SRPK1: variants seen among roughly 807,000 people sequenced by gnomAD.
SRPK1 encodes SRSF protein kinase 1, also known as SFRS protein kinase 1.
In SRPK1, 52 loss-of-function variants were observed where a neutral mutation model predicts 89.5. The ratio of observed to expected loss-of-function variants is 0.58; its 90% CI spans 0.46 to 0.73. The LOEUF is 0.73. SRPK1 is among the 30% of genes least tolerant of loss of function. The pLI is 0.00. For synonymous variants in SRPK1, 255 were observed against 270.2 expected, an observed-to-expected ratio of 0.94 and a Z score of 0.55; for missense variants, 603 against 780.6, an observed-to-expected ratio of 0.77 and a Z score of 2.71.
At chr6:35,875,580 T>C (rs1156473475) in intron 6 of SRPK1, among the ~76,000 whole-genome samples, 3 of 152,160 alleles carry the variant, frequency 2.0e-5, no homozygotes, top group African/African-American at 4.8e-5. Context: ...TCCACACTGA[T>C]CTGAAAGTAA....
At chr6:35,917,780 A>G (rs1581604622) in intron 2 of SRPK1, among the ~76,000 whole-genome samples, 1 of 152,132 alleles carries the variant, frequency 6.6e-6, no homozygotes. Context: ...ACTTTCTAAA[A>G]TTTTCATTTA....
chr6:35,858,092 ATTCAT>A (rs1228945445), intron 12 of SRPK1, among the ~76,000 whole-genome samples: 16 of 152,002 alleles, frequency 1.1e-4, no homozygotes, highest in African/African-American at 1.7e-4. Context: ...GTCCTTCATT[ATTCAT>A]TTATTTTTTA....
chr6:35,849,621 A>G (rs1769510873), intron 13 of SRPK1, among the ~76,000 whole-genome samples: 1 of 152,246 alleles, frequency 6.6e-6, no homozygotes, highest in Non-Finnish European at 1.5e-5. Context: ...AGTTGAGTCT[A>G]TACAGATCAG....
chr6:35,901,222 C>A (rs959442579), intron 2 of SRPK1, among the ~76,000 whole-genome samples: 3 of 152,152 alleles, frequency 2.0e-5, no homozygotes, highest in Non-Finnish European at 4.4e-5. Flanking sequence ...CCTCCAATAA[C>A]TGGGCTTGTG....
intron 13 of SRPK1, among the ~76,000 whole-genome samples, chr6:35,856,496 T>TA (rs1769669269): frequency 6.6e-6 from 1 of 152,172 alleles, no homozygotes; most frequent in Admixed American, 6.5e-5. Context: ...AACCATGCTC[T>TA]TAACCTATGA....
rs1037044070 is a variant in SRPK1 at position 35,907,982 on chromosome 6, T to G, written c.74+12486A>C. ...CTCGCAGACATTCCCTCCTGCCACC[T>G]TGTGAAGAAGGTGCCTGCTTCCCCT... On this transcript the variant is annotated intron_variant, in intron 2 of 15. Transcript: ENST00000373825. Among the ~76,000 whole-genome samples, 6 of 152,184 alleles carry G rather than the reference T, an allele frequency of 3.9e-5. 1 individual carries two copies. Among genetic ancestry groups the G allele is most frequent in the Admixed American group, 3.9e-4 (6 of 15,284 alleles).
At chr6:35,906,726 C>G (rs57599985) in intron 2 of SRPK1, among the ~76,000 whole-genome samples, 10,914 of 151,882 alleles carry the variant, frequency 0.072, 1,146 homozygotes, top group African/African-American at 0.23. Flanking sequence ...TGAAAACAAC[C>G]TAAATTTACA....
chr6:35,842,488 G>A, intron 14 of SRPK1, 47 bp downstream of exon 14: 1 of 1,465,710 alleles, frequency 6.8e-7, no homozygotes, highest in Non-Finnish European at 9.4e-7. Flanking sequence ...GCTTAATGTG[G>A]AAAGTGTAAA....
chr6:35,914,100 C>T (rs959063866), intron 2 of SRPK1, among the ~76,000 whole-genome samples: 4 of 151,408 alleles, frequency 2.6e-5, no homozygotes, highest in Non-Finnish European at 5.9e-5. Context: ...CTCAGCCTCC[C>T]AAGTAGCTGG....
At chr6:35,849,130 A>AAT (rs1769482857) in intron 13 of SRPK1, among the ~76,000 whole-genome samples, 1 of 152,216 alleles carries the variant, frequency 6.6e-6, no homozygotes, top group Admixed American at 6.5e-5. Context: ...AACTCAACTC[A>AAT]ATAGCAAGAA....
chr6:35,874,412 T>C (rs1770110479), intron 6 of SRPK1, 73 bp from the exon 7 acceptor site: 1 of 927,784 alleles, frequency 1.1e-6, no homozygotes, highest in Non-Finnish European at 1.7e-6. Context: ...AATTCCACCC[T>C]ATTAAATGTT....
intron 12 of SRPK1, among the ~76,000 whole-genome samples, chr6:35,862,454 A>T (rs1425706897): frequency 6.6e-6 from 1 of 152,106 alleles, no homozygotes; most frequent in Non-Finnish European, 1.5e-5. Flanking sequence ...TACCAGAGGT[A>T]CCCAAAATCA....
At chr6:35,878,505 T>C (rs1258091986) in intron 6 of SRPK1, among the ~76,000 whole-genome samples, 1 of 152,150 alleles carries the variant, frequency 6.6e-6, no homozygotes. Flanking sequence ...AAGAAGAGGC[T>C]TGGATAATAA....
intron 2 of SRPK1, among the ~76,000 whole-genome samples, chr6:35,911,935 G>C (rs1476831359): frequency 1.4e-5 from 1 of 71,754 alleles, no homozygotes; most frequent in African/African-American, 5.0e-5. Flanking sequence ...AAAATCTTTG[G>C]GTAAGGGAGG....
chr6:35,851,729 A>C (rs907334528), intron 13 of SRPK1, among the ~76,000 whole-genome samples: 1 of 152,210 alleles, frequency 6.6e-6, no homozygotes, highest in Non-Finnish European at 1.5e-5. Context: ...TGGACATAAA[A>C]AGTTGGATTA....
At chr6:35,916,241 TA>T (rs1771099245) in intron 2 of SRPK1, among the ~76,000 whole-genome samples, 1 of 149,608 alleles carries the variant, frequency 6.7e-6, no homozygotes, top group Admixed American at 6.7e-5. Flanking sequence ...AATAAATAAA[TA>T]AATTAATTAA....
intron 12 of SRPK1, among the ~76,000 whole-genome samples, chr6:35,863,301 A>G (rs1769822533): frequency 6.6e-6 from 1 of 151,594 alleles, no homozygotes; most frequent in African/African-American, 2.4e-5. Flanking sequence ...TAAGGAAATA[A>G]AAAAAATTAG....
At chr6:35,909,242 GC>G (rs1770910813) in intron 2 of SRPK1, among the ~76,000 whole-genome samples, 2 of 152,240 alleles carry the variant, frequency 1.3e-5, no homozygotes, top group South Asian at 4.1e-4. Context: ...GCATCGGCAT[GC>G]CCTGGATGTG....
chr6:35,899,740 G>A (rs1770703272), intron 2 of SRPK1, among the ~76,000 whole-genome samples: 1 of 152,132 alleles, frequency 6.6e-6, no homozygotes, highest in East Asian at 1.9e-4. Context: ...GGTGGCTCAT[G>A]CCTGTAATCC....
Sources: gnomAD v4.1 joint callset for allele counts (sites outside exome capture counted in the v4.1 genomes callset) on GRCh38, gnomAD v4.1.1 for gene constraint, MANE v1.5 for transcripts, NCBI Gene and HGNC (gene_info 2026-07-23, HGNC 2026-07-21) for gene names.